Variants in CSNK1D observed in about 807,000 individuals in gnomAD.
The protein encoded by CSNK1D is casein kinase 1 delta.
Under a neutral mutation model 46.6 loss-of-function variants are expected in CSNK1D, and 16 were observed. The observed-to-expected ratio is 0.34, with a 90% CI of 0.23 to 0.52. The LOEUF is 0.52. Among genes scored for constraint, CSNK1D ranks in the 20% least tolerant of loss-of-function variants. The pLI is 0.95. For synonymous variants in CSNK1D, 276 were observed against 228.2 expected (o/e 1.21, Z -1.89); for missense variants, 398 against 578.4 (o/e 0.69, Z 3.20).
downstream of CSNK1D, among the ~76,000 whole-genome samples, chr17:82,240,838 T>A (rs1447895991): frequency 1.3e-5 from 2 of 151,640 alleles, no homozygotes; most frequent in Admixed American, 6.6e-5. Flanking sequence ...TGGGCGTGAG[T>A]GGGCGCTGAG....
chr17:82,265,264 T>C (rs547561437), intron 2 of CSNK1D: 1 of 303,726 alleles, frequency 3.3e-6, no homozygotes, highest in African/African-American at 2.2e-5. Flanking sequence ...CCGCAACCTC[T>C]GCCTCCCAGA....
At chr17:82,239,475 T>A (rs976134120), downstream of CSNK1D, 1 of 168,184 alleles carries the variant, frequency 5.9e-6, no homozygotes, top group Non-Finnish European at 1.3e-5. Context: ...GGTGGAGTGT[T>A]AGGACCAACG....
chr17:82,251,656 C>G lies in CSNK1D; in HGVS notation c.737-129G>C. ...AGAAGGACAGATGCAAAACACCTGT[C>G]AGATTTCTAAGACCTGAAGCCTTGA... On this transcript the variant is annotated intron_variant, in intron 5 of 8. Transcript: ENST00000314028. The surrounding 1 kb of genome is among the most constrained non-coding windows in gnomAD (Gnocchi z 4.5). The G allele has an allele frequency of 2.1e-6, 2 of 964,558 alleles. No homozygotes were observed. The highest frequency in any genetic ancestry group is 2.0e-5 in the Admixed American group (1 of 50,338). The allele number at this position is 964,558 out of a possible 1,614,324, so 59.7% of individuals were successfully genotyped here.
In CSNK1D at chr17:82,252,692, A is replaced by T. The variant is rs1288358301; in HGVS notation, c.566-88T>A. On this transcript the variant is annotated intron_variant, in intron 4 of 8. Coordinates refer to ENST00000314028, the MANE Select transcript of CSNK1D (RefSeq NM_001893.6). The surrounding 1 kb of genome is among the most constrained non-coding windows in gnomAD (Gnocchi z 4.6). Reference sequence around the variant, plus strand: ...CCGGCTGGCCGTTCCAGTGGAGACTAGCCTCAGACACACATGCCCAGATCA... The same window carrying T: ...CCGGCTGGCCGTTCCAGTGGAGACTTGCCTCAGACACACATGCCCAGATCA... 7.5e-7 allele frequency: 1 copy of T among 1,338,688 alleles called. No individual in the cohort carries two copies. The highest frequency in any genetic ancestry group is 2.0e-5 in the Admixed American group (1 of 51,224). 82.9% of individuals were successfully genotyped at this position (1,338,688 alleles called of 1,614,324 possible).
downstream of CSNK1D, chr17:82,240,033 C>T (rs933219613): frequency 4.9e-6 from 6 of 1,233,698 alleles, no homozygotes; most frequent in African/African-American, 6.2e-5. Flanking sequence ...GGGCCGCGTG[C>T]AGCCGGAGAG....
rs549082888 is a variant in CSNK1D, at chr17:82,255,720, G to A, written c.188-143C>T. 2.5e-5 allele frequency: 25 copies of A among 1,003,960 alleles called. No homozygotes were observed. The highest frequency in any genetic ancestry group is 1.4e-4 in the African/African-American group (9 of 63,072). The allele number at this position is 1,003,960 out of a possible 1,614,324, so 62.2% of individuals were successfully genotyped here. A position where few individuals can be genotyped will look rare whatever the true frequency, so the allele number is the denominator to read the frequency against. On this transcript the variant is annotated intron_variant, in intron 2 of 8. Coordinates refer to ENST00000314028, the MANE Select transcript of CSNK1D (RefSeq NM_001893.6). This position sits in a 1 kb window ranked among gnomAD's most constrained non-coding sequence, Gnocchi z 5.9. ...GGAGGTAGAAGACCCCGGCAACGCCGCTCCTCAGGGACCCATCCTCGAGAT... is the reference window on the plus strand; with the variant it reads ...GGAGGTAGAAGACCCCGGCAACGCCACTCCTCAGGGACCCATCCTCGAGAT...
intron 2 of CSNK1D, among the ~76,000 whole-genome samples, chr17:82,258,548 C>T (rs541967121): frequency 3.6e-4 from 55 of 152,230 alleles, no homozygotes; most frequent in African/African-American, 1.2e-3. Context: ...TCTTTTCTCT[C>T]TCTAGATGCA....
At chr17:82,240,932 G>A (rs1326765240), downstream of CSNK1D, among the ~76,000 whole-genome samples, 1 of 152,216 alleles carries the variant, frequency 6.6e-6, no homozygotes, top group African/African-American at 2.4e-5. Context: ...ACAGGCAGGA[G>A]TGAAGGGGAA....
At chr17:82,268,107 C>T (rs9907654) in intron 1 of CSNK1D, among the ~76,000 whole-genome samples, 54 of 152,340 alleles carry the variant, frequency 3.5e-4, no homozygotes, top group African/African-American at 1.3e-3. Flanking sequence ...AAGGTCGCCC[C>T]GAGTCTCTAC....
chr17:82,243,991 C>G lies in CSNK1D; in HGVS notation c.*790G>C. 8.1e-6 allele frequency: 8 copies of G among 986,650 alleles called. No homozygotes were observed. The highest frequency in any genetic ancestry group is 9.6e-6 in the Non-Finnish European group (8 of 830,778). 61.1% of individuals were successfully genotyped at this position (986,650 alleles called of 1,614,324 possible). A position where few individuals can be genotyped will look rare whatever the true frequency, so the allele number is the denominator to read the frequency against. ...AAGCGCGCAGTGCTTTGCCTGGTAA[C>G]ACCCACTGCACCCCTGCCCCGCGGC... On this transcript the variant is annotated 3_prime_UTR_variant, in exon 9 of 9. Coordinates refer to ENST00000314028, the MANE Select transcript of CSNK1D (RefSeq NM_001893.6).
Position 82,251,330 on chromosome 17 carries a change from C to G in CSNK1D, c.885+49G>C. ...CGGCCGCCGGCCTCTCACTGACAAGCCATCCCCCGCACACCACACTCAGCG... is the reference window on the plus strand; with the variant it reads ...CGGCCGCCGGCCTCTCACTGACAAGGCATCCCCCGCACACCACACTCAGCG... On this transcript the variant is annotated intron_variant, in intron 6 of 8. Transcript: ENST00000314028. The surrounding 1 kb of genome is among the most constrained non-coding windows in gnomAD (Gnocchi z 4.5). The G allele has an allele frequency of 6.2e-7, 1 of 1,611,868 alleles. No individual in the cohort carries two copies. The highest frequency in any genetic ancestry group is 8.5e-7 in the Non-Finnish European group (1 of 1,178,348).
chr17:82,239,636 G>GGGCTGCGGGGCAGGTGCCTGGAGGC (rs2050711443), downstream of CSNK1D: 2 of 272,292 alleles, frequency 7.3e-6, no homozygotes, highest in Non-Finnish European at 1.4e-5. Context: ...TGCATGGAGG[G>GGGCTGCGGGGCAGGTGCCTGGAGGC]GGCTGCGGGG....
chr17:82,259,027 G>C lies in CSNK1D; in HGVS notation c.188-3450C>G, dbSNP rs193102547. ...CCTTGTCAGGAAAGAGAAGTGGCTG[G>C]ATGTCGATGGGAACGTCATTGAATG... On this transcript the variant is annotated intron_variant, in intron 2 of 8. Transcript: ENST00000314028. 1.8e-3 allele frequency among the ~76,000 whole-genome samples: 268 copies of C among 152,368 alleles called. 1 individual carries two copies. Among genetic ancestry groups the C allele is most frequent in the Non-Finnish European group, 7.5e-4 (51 of 68,046 alleles).
intron 1 of CSNK1D, among the ~76,000 whole-genome samples, chr17:82,269,170 C>T (rs148854366): frequency 6.6e-6 from 1 of 150,486 alleles, no homozygotes; most frequent in East Asian, 2.0e-4. Context: ...TGTCCTGGCA[C>T]AGGAGGGTAA....
chr17:82,242,849 C>T lies in CSNK1D; in HGVS notation c.*1932G>A, dbSNP rs183872122. ...TGGGCAAGGACTGTCACAAGCACTCCGAAGACGCGACCCGGCGAGGCTCGG... is the reference window on the plus strand; with the variant it reads ...TGGGCAAGGACTGTCACAAGCACTCTGAAGACGCGACCCGGCGAGGCTCGG... On this transcript the variant is annotated 3_prime_UTR_variant, in exon 9 of 9. Coordinates refer to ENST00000314028, the MANE Select transcript of CSNK1D (RefSeq NM_001893.6). 491 of 985,420 alleles carry T rather than the reference C, an allele frequency of 5.0e-4. No homozygotes were observed. Among genetic ancestry groups the T allele is most frequent in the Non-Finnish European group, 5.7e-4 (477 of 829,936 alleles). 61.0% of individuals were successfully genotyped at this position (985,420 alleles called of 1,614,324 possible).
intron 2 of CSNK1D, among the ~76,000 whole-genome samples, chr17:82,262,561 A>ATTC (rs2051367330): frequency 2.6e-5 from 4 of 152,222 alleles, no homozygotes; most frequent in Non-Finnish European, 5.9e-5. Context: ...GAAAGGAAGG[A>ATTC]AAACCGCAAT....
chr17:82,244,558 C>T lies in CSNK1D; in HGVS notation c.*223G>A. On this transcript the variant is annotated 3_prime_UTR_variant, in exon 9 of 9. Transcript: ENST00000314028. ...GCTTTTCTTCCCAGCCCCGTTACAA[C>T]CGAGTTCACGTGGGGGGCCGCAGTG... The T allele has an allele frequency of 6.8e-7, 1 of 1,479,586 alleles. No individual in the cohort carries two copies. Among genetic ancestry groups the T allele is most frequent in the Admixed American group, 2.1e-5 (1 of 46,570 alleles). The allele number at this position is 1,479,586 out of a possible 1,614,324, so 91.7% of individuals were successfully genotyped here. A position where few individuals can be genotyped will look rare whatever the true frequency, so the allele number is the denominator to read the frequency against.
chr17:82,246,076 C>G (rs201239179), intron 8 of CSNK1D: 5 of 1,589,300 alleles, frequency 3.1e-6, no homozygotes, highest in Non-Finnish European at 4.3e-6. Context: ...GTAAGCGTCC[C>G]GCTGGCCCCC....
intron 2 of CSNK1D, among the ~76,000 whole-genome samples, chr17:82,257,923 G>GA (rs1370020897): frequency 1.2e-4 from 18 of 151,940 alleles, no homozygotes; most frequent in Non-Finnish European, 2.4e-4. Flanking sequence ...CCGTCGAAAA[G>GA]TTTTTTAACT....
Sources: allele counts gnomAD v4.1 joint callset (sites outside exome capture counted in the v4.1 genomes callset), GRCh38; gene constraint gnomAD v4.1.1; non-coding constraint Gnocchi (gnomAD v3.1); transcripts MANE v1.5; gene names NCBI Gene and HGNC (gene_info 2026-07-23, HGNC 2026-07-21).